The following MRE11 variants were observed in gnomAD, a reference collection of about 807,000 sequenced individuals.
MRE11 encodes the protein double-strand break repair protein MRE11.
A neutral mutation model predicts 91.7 loss-of-function variants in MRE11; 62 were observed. The observed-to-expected ratio is 0.68, with a 90% confidence interval of 0.55 to 0.84. The LOEUF (loss-of-function observed/expected upper bound fraction) is 0.84, where lower values mean the gene tolerates loss of function less well. Ranked by LOEUF, MRE11 falls within the 40% of genes least tolerant of loss-of-function variation. MRE11 has a pLI of 0.00. For missense variants in MRE11, 796 were observed against 852.9 expected, an observed-to-expected ratio of 0.93 and a Z score of 0.83; for synonymous variants, 273 against 271.4, an observed-to-expected ratio of 1.01 and a Z score of -0.06.
chr11:94,442,686 C>T (rs1945816371), intron 16 of MRE11, among the ~76,000 whole-genome samples: 1 of 152,134 alleles, frequency 6.6e-6, no homozygotes, highest in Admixed American at 6.5e-5. Flanking sequence ...GCCTACTGTG[C>T]CAGGCTTTTT....
At chr11:94,447,594 C>A (rs553347934) in intron 14 of MRE11, among the ~76,000 whole-genome samples, 156 bp from the exon 15 acceptor site, 1 of 147,340 alleles carries the variant, frequency 6.8e-6, no homozygotes, top group African/African-American at 2.5e-5. Flanking sequence ...TTTGGGAGGC[C>A]GAGGCGGGAG....
intron 16 of MRE11, among the ~76,000 whole-genome samples, chr11:94,438,701 C>T (rs965334019): frequency 3.3e-5 from 5 of 152,266 alleles, no homozygotes; most frequent in Middle Eastern, 3.4e-3. Flanking sequence ...GTTAGGAAGA[C>T]AATAAAGTGT....
intron 5 of MRE11, among the ~76,000 whole-genome samples, 173 bp downstream of exon 5, chr11:94,479,501 G>A (rs1946959691): frequency 6.6e-6 from 1 of 151,980 alleles, no homozygotes; most frequent in South Asian, 2.1e-4. Flanking sequence ...TCTTATTTCA[G>A]ATTTTTAAAA....
intron 12 of MRE11, among the ~76,000 whole-genome samples, chr11:94,459,815 T>C (rs1387366681): frequency 2.0e-5 from 3 of 152,088 alleles, no homozygotes; most frequent in Non-Finnish European, 4.4e-5. Flanking sequence ...AGTCCAAAAA[T>C]GGCAGCTATG....
At chr11:94,437,588 T>A (rs534204306) in intron 16 of MRE11, among the ~76,000 whole-genome samples, 1 of 152,326 alleles carries the variant, frequency 6.6e-6, no homozygotes, top group East Asian at 1.9e-4. Context: ...CCTTCTTTGT[T>A]GTTGACGATA....
the MRE11 span, among the ~76,000 whole-genome samples, chr11:94,502,303 G>C: frequency 2.9e-4 from 44 of 152,296 alleles, no homozygotes; most frequent in Middle Eastern, 3.4e-3. Flanking sequence ...TTGTAAAGTT[G>C]ATTAAAGAAT....
intron 2 of MRE11, among the ~76,000 whole-genome samples, chr11:94,492,093 G>A (rs749935681): frequency 6.6e-6 from 1 of 152,058 alleles, no homozygotes; most frequent in African/African-American, 2.4e-5. Flanking sequence ...CCAAGGACTT[G>A]AAACTAGGGT....
At chr11:94,437,375 T>G (rs1156515763) in intron 16 of MRE11, 140 bp from the exon 17 acceptor site, 1 of 723,512 alleles carries the variant, frequency 1.4e-6, no homozygotes, top group East Asian at 2.9e-5. Flanking sequence ...TTTGATATTT[T>G]TAAAAATCTA....
rs879938750 is a variant in MRE11, at chr11:94,454,142, C to T, written c.1563+2134G>A. 9.3e-5 allele frequency among the ~76,000 whole-genome samples: 14 copies of T among 149,786 alleles called. 1 individual carries two copies. The highest frequency in any genetic ancestry group is 4.7e-4 in the Admixed American group (7 of 15,008). On this transcript the variant is annotated intron_variant, in intron 14 of 19. Coordinates refer to ENST00000323929, the MANE Select transcript of MRE11 (RefSeq NM_005591.4). ...AGGTTGGAGTGCAGTGGCGTCATCT[C>T]GGCTCATTGCAACCTCTGCCTCCTG... is the stretch of plus-strand genomic sequence containing the variant.
intron 19 of MRE11, among the ~76,000 whole-genome samples, chr11:94,428,868 A>C (rs1450520541): frequency 6.6e-6 from 1 of 152,178 alleles, no homozygotes; most frequent in Non-Finnish European, 1.5e-5. Flanking sequence ...CATGTCAAAA[A>C]AAAAAGAGAA....
intron 18 of MRE11, 59 bp from the exon 19 acceptor site, chr11:94,430,045 C>G (rs1945423099): frequency 1.9e-6 from 3 of 1,558,702 alleles, no homozygotes; most frequent in Non-Finnish European, 2.7e-6. Flanking sequence ...TCAAGTGTGC[C>G]TTTCTGGCTA....
intron 3 of MRE11, among the ~76,000 whole-genome samples, chr11:94,487,324 C>G: frequency 6.6e-6 from 1 of 152,174 alleles, no homozygotes; most frequent in East Asian, 1.9e-4. Context: ...CTGGCAGTGA[C>G]TCCAGGAAAT....
At chr11:94,437,068 T>C (rs1945637656) in intron 17 of MRE11, 109 bp downstream of exon 17, 4 of 954,456 alleles carry the variant, frequency 4.2e-6, no homozygotes, top group Non-Finnish European at 6.3e-6. Context: ...CCAGCTTTAA[T>C]GTTCCATAAT....
Position 94,440,646 on chromosome 11 carries a change from C to T in MRE11, c.1868-3411G>A, listed in dbSNP as rs891868959. The stretch of plus-strand genomic sequence containing the variant: ...CCCACGGCTGCCCAAAGTGAAAACC[C>T]CGATGCATTTCCCTTCCTAAGGTGG... On this transcript the variant is annotated intron_variant, in intron 16 of 19. Transcript: ENST00000323929. 7.2e-5 allele frequency among the ~76,000 whole-genome samples: 11 copies of T among 152,262 alleles called. No individual in the cohort carries two copies. In the South Asian group the frequency reaches 2.3e-3, roughly 32 times the overall value.
rs1236504816 is a variant in MRE11, at chr11:94,419,667, A to G, written c.*458T>C. The G allele has an allele frequency of 4.3e-6, 1 of 235,096 alleles. No homozygotes were observed. The highest frequency in any genetic ancestry group is 8.4e-6 in the Non-Finnish European group (1 of 119,450). 14.6% of individuals were successfully genotyped at this position (235,096 alleles called of 1,614,324 possible). ...AACTATTAGGTACTTCTAATCATTT[A>G]GTCTTATAAGAAGCATTGGAAAAAA... On this transcript the variant is annotated 3_prime_UTR_variant, in exon 20 of 20. Coordinates refer to ENST00000323929, the MANE Select transcript of MRE11 (RefSeq NM_005591.4).
chr11:94,464,332 G>T, intron 10 of MRE11, 93 bp from the exon 11 acceptor site: 1 of 1,498,282 alleles, frequency 6.7e-7, no homozygotes, highest in Non-Finnish European at 9.2e-7. Flanking sequence ...CAGTGTTTAT[G>T]CTTGATACTT....
chr11:94,456,454 G>A (rs1946250864), intron 13 of MRE11, 116 bp from the exon 14 acceptor site: 4 of 762,668 alleles, frequency 5.2e-6, no homozygotes, highest in Non-Finnish European at 6.7e-6. Context: ...ATTTAACAAT[G>A]TCTCACAAAA....
chr11:94,456,245 T>C, intron 14 of MRE11, 31 bp downstream of exon 14: 1 of 1,598,896 alleles, frequency 6.3e-7, no homozygotes. Flanking sequence ...AAGTGATATA[T>C]AAACACAAGA....
At chr11:94,495,761 T>A (rs971122153), upstream of MRE11, among the ~76,000 whole-genome samples, 1 of 152,196 alleles carries the variant, frequency 6.6e-6, no homozygotes, top group Admixed American at 6.5e-5. Flanking sequence ...GAACCTCCTG[T>A]ATACTCATGG....
Sources: allele counts gnomAD v4.1 joint callset (sites outside exome capture counted in the v4.1 genomes callset), GRCh38; gene constraint gnomAD v4.1.1; transcripts MANE v1.5; gene names NCBI Gene and HGNC (gene_info 2026-07-23, HGNC 2026-07-21).